Variants in IL20RB observed in about 807,000 individuals in gnomAD.
The protein encoded by IL20RB is interleukin 20 receptor subunit beta.
In IL20RB, 21 loss-of-function variants were observed where a neutral mutation model predicts 33.3. The observed-to-expected ratio is 0.63, with a 90% CI of 0.45 to 0.91. The LOEUF is 0.91. IL20RB is among the 40% of genes least tolerant of loss of function. The pLI, the probability that IL20RB is intolerant of heterozygous loss-of-function variation, is 0.00. For missense variants in IL20RB, 345 were observed against 384.8 expected, an observed-to-expected ratio of 0.90 and a Z score of 0.86; for synonymous variants, 147 against 146.8, an observed-to-expected ratio of 1.00 and a Z score of -0.01.
In IL20RB at chr3:136,961,247, C is replaced by T. The variant is rs1054072613; in HGVS notation, c.88+3046C>T. ...GTGCTAGTTAGAGAGATTTTAAAAA[C>T]TTGTCTTCAGGGAGCCTAAGAGCCT... On this transcript the variant is annotated intron_variant, in intron 1 of 6. Transcript: ENST00000329582. Among the ~76,000 whole-genome samples, 6 of 152,266 alleles carry T rather than the reference C, an allele frequency of 3.9e-5. 1 individual carries two copies. Among genetic ancestry groups the T allele is most frequent in the East Asian group, 1.9e-4 (1 of 5,184 alleles).
At chr3:136,999,892 G>A (rs1482355732) in intron 6 of IL20RB, among the ~76,000 whole-genome samples, 1 of 151,992 alleles carries the variant, frequency 6.6e-6, no homozygotes, top group Non-Finnish European at 1.5e-5. Flanking sequence ...CATTTATTAT[G>A]AGAATATTTT....
At chr3:136,996,448 A>G (rs531455184) in intron 6 of IL20RB, among the ~76,000 whole-genome samples, 15 of 152,348 alleles carry the variant, frequency 9.8e-5, no homozygotes, top group Non-Finnish European at 4.4e-5. Flanking sequence ...TCTGAAAAGC[A>G]ACTAAAGCCA....
At position 136,992,155 on chromosome 3, in the gene IL20RB, G is replaced by A. The variant is rs1942045841; in HGVS notation, c.682+67G>A. ...TAGCCCCTCCTGGCATATCTCAGAGGCCTGCTGGGTTCCTTTGGTTCTGAG... is the reference window on the plus strand; with the variant it reads ...TAGCCCCTCCTGGCATATCTCAGAGACCTGCTGGGTTCCTTTGGTTCTGAG... On this transcript the variant is annotated intron_variant, in intron 5 of 6. Transcript: ENST00000329582. 3.2e-6 allele frequency: 5 copies of A among 1,539,068 alleles called. No individual in the cohort carries two copies. The South Asian group carries it at 4.8e-5, about 15-fold the overall frequency.
intron 4 of IL20RB, among the ~76,000 whole-genome samples, chr3:136,990,063 C>T (rs973607218): frequency 6.6e-6 from 1 of 151,964 alleles, no homozygotes; most frequent in Non-Finnish European, 1.5e-5. Context: ...GCAGGTGGGC[C>T]ATGCAGAATG....
At chr3:137,007,345 G>A (rs760092832) in intron 6 of IL20RB, among the ~76,000 whole-genome samples, 1 of 151,950 alleles carries the variant, frequency 6.6e-6, no homozygotes, top group Non-Finnish European at 1.5e-5. Flanking sequence ...GGACGTTTAA[G>A]TCTGCAGAAG....
chr3:136,959,151 TCAC>T (rs1442043030), intron 1 of IL20RB: 2 of 152,222 alleles, frequency 1.3e-5, no homozygotes, highest in African/African-American at 4.8e-5. Context: ...TTGTCTCTCA[TCAC>T]CCAGCATATT....
intron 1 of IL20RB, among the ~76,000 whole-genome samples, chr3:136,974,343 C>T (rs1293396384): frequency 6.6e-6 from 1 of 151,924 alleles, no homozygotes; most frequent in Non-Finnish European, 1.5e-5. Flanking sequence ...TAACAAATTC[C>T]CTCAATATTC....
intron 1 of IL20RB, among the ~76,000 whole-genome samples, chr3:136,961,776 T>C (rs1326563625): frequency 6.6e-6 from 1 of 152,206 alleles, no homozygotes; most frequent in Non-Finnish European, 1.5e-5. Flanking sequence ...GATGTTAGCA[T>C]TCAGGGAAGT....
At position 136,995,466 on chromosome 3, in the gene IL20RB, G is replaced by A. The variant is rs1211671792; in HGVS notation, c.735G>A (p.Leu245=). The change falls in exon 6 of 7, where the codon CTG becomes CTA. Residue 245 remains leucine (L), a synonymous_variant. Coordinates refer to ENST00000329582, the MANE Select transcript of IL20RB (RefSeq NM_144717.4). The part of the protein sequence containing the change: ...LALFAFVGFM[L]ILVVVPLFVW... The stretch of plus-strand genomic sequence containing the variant: ...TGTTTGCCTTTGTTGGCTTCATGCT[G>A]ATCCTTGTGGTCGTGCCACTGTTCG... 2.5e-6 allele frequency: 4 copies of A among 1,614,036 alleles called. No homozygotes were observed. Among genetic ancestry groups the A allele is most frequent in the African/African-American group, 2.7e-5 (2 of 74,914 alleles).
chr3:136,982,401 G>C (rs1008623500), intron 3 of IL20RB, 51 bp downstream of exon 3: 1 of 1,345,738 alleles, frequency 7.4e-7, no homozygotes, highest in African/African-American at 1.5e-5. Flanking sequence ...CCTCCTTTAG[G>C]AACCATGTTC....
chr3:136,980,679 T>G lies in IL20RB; in HGVS notation c.215+87T>G. On this transcript the variant is annotated intron_variant, in intron 2 of 6. Coordinates refer to ENST00000329582, the MANE Select transcript of IL20RB (RefSeq NM_144717.4). ...CCCTTCCTCCTGAGCCCAAGGTGGC[T>G]TTTTGAGTCCAGGGATAGATTATCC... 1.4e-5 allele frequency: 20 copies of G among 1,423,570 alleles called. No individual in the cohort carries two copies. In the South Asian group the frequency reaches 2.4e-4, roughly 17 times the overall value. 88.2% of individuals were successfully genotyped at this position (1,423,570 alleles called of 1,614,324 possible). A position where few individuals can be genotyped will look rare whatever the true frequency, so the allele number is the denominator to read the frequency against.
intron 6 of IL20RB, among the ~76,000 whole-genome samples, chr3:137,003,340 A>C (rs2107721330): frequency 6.6e-6 from 1 of 152,294 alleles, no homozygotes; most frequent in African/African-American, 2.4e-5. Context: ...GATGGCATTG[A>C]ATGTATAAAT....
intron 3 of IL20RB, 130 bp downstream of exon 3, chr3:136,982,480 C>G (rs1941801400): frequency 1.6e-6 from 1 of 612,400 alleles, no homozygotes; most frequent in South Asian, 2.9e-5. Context: ...TGAACACAAA[C>G]AACCCTTACT....
At chr3:136,966,423 G>T (rs1367880566) in intron 1 of IL20RB, among the ~76,000 whole-genome samples, 1 of 81,662 alleles carries the variant, frequency 1.2e-5, no homozygotes. Context: ...GTTTAGTCTT[G>T]GGAGAGTGTA....
At chr3:136,987,295 T>C (rs1477963670) in intron 3 of IL20RB, among the ~76,000 whole-genome samples, 1 of 151,914 alleles carries the variant, frequency 6.6e-6, no homozygotes, top group Non-Finnish European at 1.5e-5. Context: ...ACCAGATTAG[T>C]TAGATACAGA....
chr3:136,977,149 G>A (rs1437343921), intron 1 of IL20RB, among the ~76,000 whole-genome samples: 1 of 151,186 alleles, frequency 6.6e-6, no homozygotes, highest in Non-Finnish European at 1.5e-5. Flanking sequence ...ACATGATTTC[G>A]GTTCTTCTAA....
chr3:136,980,302 TTG>T, intron 1 of IL20RB, 162 bp from the exon 2 acceptor site: 13 of 731,890 alleles, frequency 1.8e-5, no homozygotes, highest in Middle Eastern at 2.8e-4. Flanking sequence ...TTTTTTTTTT[TTG>T]AGACAGAGTC....
intron 1 of IL20RB, among the ~76,000 whole-genome samples, chr3:136,961,903 G>A (rs1036484882): frequency 6.6e-6 from 1 of 152,110 alleles, no homozygotes; most frequent in Non-Finnish European, 1.5e-5. Flanking sequence ...AAACGGGTGG[G>A]AACAAGTTAA....
At chr3:136,979,069 A>G (rs1941704427) in intron 1 of IL20RB, among the ~76,000 whole-genome samples, 1 of 152,128 alleles carries the variant, frequency 6.6e-6, no homozygotes, top group African/African-American at 2.4e-5. Context: ...TTTTTTTAAA[A>G]CTTTACCAGA....
Sources: gnomAD v4.1 joint callset for allele counts (sites outside exome capture counted in the v4.1 genomes callset) on GRCh38, gnomAD v4.1.1 for gene constraint, MANE v1.5 for transcripts, NCBI Gene and HGNC (gene_info 2026-07-23, HGNC 2026-07-21) for gene names.